Variants in TBC1D19 observed in about 807,000 individuals in gnomAD.
The protein encoded by TBC1D19 is TBC1 domain family, member 19.
A neutral mutation model predicts 89.0 loss-of-function variants in TBC1D19; 60 were observed. The observed-to-expected ratio is 0.67, with a 90% CI of 0.55 to 0.84. The LOEUF (loss-of-function observed/expected upper bound fraction) is 0.84, where lower values mean the gene tolerates loss of function less well. TBC1D19 is among the 40% of genes least tolerant of loss of function. TBC1D19 has a pLI of 0.00. For missense variants in TBC1D19, 500 were observed against 610.8 expected, an observed-to-expected ratio of 0.82 and a Z score of 1.91; for synonymous variants, 189 against 199.7, an observed-to-expected ratio of 0.95 and a Z score of 0.45.
At chr4:26,636,793 T>G (rs1743160451) in intron 4 of TBC1D19, among the ~76,000 whole-genome samples, 1 of 152,108 alleles carries the variant, frequency 6.6e-6, no homozygotes, top group African/African-American at 2.4e-5. Flanking sequence ...AAAATTACAA[T>G]GTAATAATTT....
chr4:26,635,858 A>T (rs1034935708), intron 4 of TBC1D19, among the ~76,000 whole-genome samples: 1 of 152,088 alleles, frequency 6.6e-6, no homozygotes, highest in African/African-American at 2.4e-5. Flanking sequence ...GGTGAATAAG[A>T]TTTATTTAGA....
At chr4:26,710,286 G>T (rs999099143) in intron 13 of TBC1D19, among the ~76,000 whole-genome samples, 31 of 151,976 alleles carry the variant, frequency 2.0e-4, no homozygotes, top group African/African-American at 7.0e-4. Flanking sequence ...GCGGTGTTTG[G>T]TTTTTTGTCC....
At chr4:26,849,030 G>T in the TBC1D19 span, among the ~76,000 whole-genome samples, 1 of 152,026 alleles carries the variant, frequency 6.6e-6, no homozygotes, top group Non-Finnish European at 1.5e-5. Flanking sequence ...AAATTAGCTG[G>T]GCCATCATGT....
chr4:26,815,587 T>C, the TBC1D19 span, among the ~76,000 whole-genome samples: 2 of 152,246 alleles, frequency 1.3e-5, no homozygotes, highest in African/African-American at 4.8e-5. Context: ...TCTGTGTTCA[T>C]GTTACACACT....
the TBC1D19 span, among the ~76,000 whole-genome samples, chr4:26,794,478 C>A: frequency 6.6e-6 from 1 of 151,896 alleles, no homozygotes; most frequent in Admixed American, 6.6e-5. Flanking sequence ...GGAGGTACAA[C>A]CATGTTACAG....
At chr4:26,586,813 A>T (rs1357744237) in intron 1 of TBC1D19, among the ~76,000 whole-genome samples, 1 of 152,222 alleles carries the variant, frequency 6.6e-6, no homozygotes, top group Admixed American at 6.5e-5. Flanking sequence ...TATTCTGAGA[A>T]CTTGCTAAAC....
chr4:26,678,101 A>G (rs1309493859), intron 11 of TBC1D19, among the ~76,000 whole-genome samples: 1 of 152,168 alleles, frequency 6.6e-6, no homozygotes, highest in Non-Finnish European at 1.5e-5. Context: ...AAATGTGGGA[A>G]AGTTTGGAAC....
the TBC1D19 span, among the ~76,000 whole-genome samples, chr4:26,799,811 A>G: frequency 9.9e-5 from 15 of 152,278 alleles, no homozygotes; most frequent in African/African-American, 3.1e-4. Flanking sequence ...TACCCACTCT[A>G]AAATGTTTTA....
chr4:26,639,046 T>A (rs932196867), intron 6 of TBC1D19, among the ~76,000 whole-genome samples: 20 of 152,006 alleles, frequency 1.3e-4, no homozygotes, highest in African/African-American at 4.4e-4. Flanking sequence ...AGGAGCAGCT[T>A]TTTGTTTGTT....
downstream of TBC1D19, among the ~76,000 whole-genome samples, chr4:26,757,994 C>A (rs1182214553): frequency 1.3e-5 from 2 of 152,162 alleles, no homozygotes; most frequent in African/African-American, 4.8e-5. Flanking sequence ...GTACTTCAGC[C>A]TCTCCAGATT....
At chr4:26,798,905 T>G in the TBC1D19 span, among the ~76,000 whole-genome samples, 2,302 of 151,642 alleles carry the variant, frequency 0.015, 45 homozygotes, top group African/African-American at 0.049. Context: ...GGGATGAGGG[T>G]TGAAAAAAAA....
At chr4:26,835,338 C>T in the TBC1D19 span, among the ~76,000 whole-genome samples, 8 of 152,160 alleles carry the variant, frequency 5.3e-5, no homozygotes, top group Admixed American at 2.6e-4. Flanking sequence ...AAGGAAGCAG[C>T]CATTCCAACA....
chr4:26,631,914 A>G (rs192137446), intron 4 of TBC1D19, among the ~76,000 whole-genome samples: 1 of 152,138 alleles, frequency 6.6e-6, no homozygotes, highest in East Asian at 1.9e-4. Flanking sequence ...TGTTTTCTCT[A>G]TATATTACAT....
the TBC1D19 span, among the ~76,000 whole-genome samples, chr4:26,815,160 T>A: frequency 4.4e-4 from 67 of 152,282 alleles, no homozygotes; most frequent in Admixed American, 1.4e-3. Flanking sequence ...GAATCTGCTG[T>A]GGATGGCATT....
At chr4:26,663,539 C>T (rs574984601) in intron 8 of TBC1D19, among the ~76,000 whole-genome samples, 1 of 152,258 alleles carries the variant, frequency 6.6e-6, no homozygotes, top group Non-Finnish European at 1.5e-5. Flanking sequence ...AAAGTTTCAG[C>T]TTATGTGTGA....
chr4:26,856,702 G>C, the TBC1D19 span, among the ~76,000 whole-genome samples: 3 of 152,054 alleles, frequency 2.0e-5, no homozygotes, highest in African/African-American at 7.2e-5. Context: ...CTTTACTTTA[G>C]CTCCATCACA....
chr4:26,716,325 G>C (rs1224139400), intron 13 of TBC1D19, among the ~76,000 whole-genome samples: 1 of 152,036 alleles, frequency 6.6e-6, no homozygotes, highest in Non-Finnish European at 1.5e-5. Context: ...TAAGTAAAAG[G>C]CATGGCAGGT....
At chr4:26,846,967 ATCT>A in the TBC1D19 span, among the ~76,000 whole-genome samples, 1 of 151,950 alleles carries the variant, frequency 6.6e-6, no homozygotes, top group South Asian at 2.1e-4. Flanking sequence ...CAACCCTTTA[ATCT>A]TCTTTTTGTA....
the TBC1D19 span, among the ~76,000 whole-genome samples, chr4:26,770,132 A>T: frequency 6.6e-6 from 1 of 152,118 alleles, no homozygotes; most frequent in Admixed American, 6.5e-5. Flanking sequence ...AAAAAATCTA[A>T]ATACAAAAAT....
Sources: allele counts gnomAD v4.1 joint callset (sites outside exome capture counted in the v4.1 genomes callset), GRCh38; gene constraint gnomAD v4.1.1; transcripts MANE v1.5; gene names NCBI Gene and HGNC (gene_info 2026-07-23, HGNC 2026-07-21).